The following HIVEP3 variants were observed in gnomAD, a reference collection of about 807,000 sequenced individuals.
HIVEP3 encodes the protein transcription factor HIVEP3.
In HIVEP3, 49 loss-of-function variants were observed where a neutral mutation model predicts 152.8. The observed-to-expected ratio is 0.32, with a 90% confidence interval of 0.26 to 0.41. The LOEUF (loss-of-function observed/expected upper bound fraction) is 0.41, where lower values mean the gene tolerates loss of function less well. Ranked by LOEUF, HIVEP3 falls within the 10% of genes least tolerant of loss-of-function variation. The pLI is 1.00. For synonymous variants in HIVEP3, 1,269 were observed against 1,289.0 expected, an observed-to-expected ratio of 0.98 and a Z score of 0.33; for missense variants, 2,790 against 3,103.3, an observed-to-expected ratio of 0.90 and a Z score of 2.40.
At chr1:41,592,099 G>A (rs1644596571) in intron 3 of HIVEP3, among the ~76,000 whole-genome samples, 1 of 152,134 alleles carries the variant, frequency 6.6e-6, no homozygotes, top group Non-Finnish European at 1.5e-5. Flanking sequence ...GAGCACCTGG[G>A]TCTCCTCACC....
intron 1 of HIVEP3, among the ~76,000 whole-genome samples, chr1:41,773,202 C>T (rs753179844): frequency 9.9e-5 from 15 of 152,214 alleles, no homozygotes; most frequent in Non-Finnish European, 1.9e-4. Context: ...GGACTATTTA[C>T]TGCATTCCAC....
At chr1:41,516,269 C>T (rs1022102673) in intron 7 of HIVEP3, among the ~76,000 whole-genome samples, 2 of 150,002 alleles carry the variant, frequency 1.3e-5, no homozygotes, top group Non-Finnish European at 3.0e-5. Flanking sequence ...AGAGGCCACA[C>T]GGTGGCGCTA....
chr1:41,547,437 G>A (rs1410779641), intron 5 of HIVEP3, among the ~76,000 whole-genome samples: 2 of 152,154 alleles, frequency 1.3e-5, no homozygotes, highest in African/African-American at 4.8e-5. Context: ...GCCTGGCCTG[G>A]GCTTTGAAGA....
chr1:41,509,822 CAAAAAAAAAAAAA>C lies in HIVEP3; in HGVS notation c.*616_*628del, dbSNP rs55654443. 3.7e-5 allele frequency: 3 copies of C among 82,042 alleles called. No homozygotes were observed. Among genetic ancestry groups the C allele is most frequent in the South Asian group, 5.1e-4 (1 of 1,976 alleles). The allele number at this position is 82,042 out of a possible 1,614,324, so 5.1% of individuals were successfully genotyped here. On this transcript the variant is annotated 3_prime_UTR_variant, in exon 9 of 9. Transcript: ENST00000372583. ...GGAAAAGTATCATTTTATTTTCTTGCAAAAAAAAAAAAAAAAAAAAAAAAGGAAAAGATTAGTT... is the reference window on the plus strand; with the variant it reads ...GGAAAAGTATCATTTTATTTTCTTGCAAAAAAAAAAAGGAAAAGATTAGTT...
In HIVEP3 at chr1:41,513,502, C is replaced by T. The variant is rs762552585; in HGVS notation, c.5719G>A (p.Ala1907Thr). ...CCTCGTGTAGCCTCCGTGCCAGAGGCGGGGGCATCTGGGGGCTGAGGGCCC... is the reference window on the plus strand; with the variant it reads ...CCTCGTGTAGCCTCCGTGCCAGAGGTGGGGGCATCTGGGGGCTGAGGGCCC... ...ILGPQPPDAPASGTEATRGSS... is the reference protein window; with the variant it reads ...ILGPQPPDAPTSGTEATRGSS... Residue 1907 changes from alanine to threonine, a missense_variant, in exon 8 of 9, where the codon GCC (alanine) becomes ACC (threonine). By Grantham distance (58) the Ala-to-Thr change is moderately conservative (BLOSUM62 0). This residue lies in a region of HIVEP3 where 816 missense variants were observed against 806.5 expected (regional missense o/e 1.01). Coordinates refer to ENST00000372583, the MANE Select transcript of HIVEP3 (RefSeq NM_024503.5). 13 of 1,605,352 alleles carry T rather than the reference C, an allele frequency of 8.1e-6. No individual in the cohort carries two copies. Among genetic ancestry groups the T allele is most frequent in the South Asian group, 2.2e-5 (2 of 90,528 alleles).
intron 1 of HIVEP3, among the ~76,000 whole-genome samples, chr1:41,943,097 C>T (rs1168709377): frequency 3.3e-5 from 5 of 151,716 alleles, no homozygotes; most frequent in Admixed American, 1.3e-4. Flanking sequence ...TTAGTAGAGA[C>T]GGGTTTCACC....
chr1:41,805,341 C>A (rs549417327), intron 1 of HIVEP3, among the ~76,000 whole-genome samples: 2 of 152,174 alleles, frequency 1.3e-5, no homozygotes, highest in South Asian at 2.1e-4. Context: ...CCTCTCAAGA[C>A]AAATTTAAAA....
At chr1:41,726,553 G>C (rs1646755218) in intron 1 of HIVEP3, among the ~76,000 whole-genome samples, 1 of 152,182 alleles carries the variant, frequency 6.6e-6, no homozygotes, top group African/African-American at 2.4e-5. Flanking sequence ...CACATAGATA[G>C]CAAGTGGCCT....
intron 2 of HIVEP3, among the ~76,000 whole-genome samples, chr1:41,647,826 C>G (rs1476820593): frequency 6.6e-6 from 1 of 152,284 alleles, no homozygotes; most frequent in Admixed American, 6.5e-5. Context: ...CCGCAGAACA[C>G]TCTTGGTCTC....
At chr1:41,571,994 C>T (rs1644257496) in intron 5 of HIVEP3, among the ~76,000 whole-genome samples, 1 of 152,120 alleles carries the variant, frequency 6.6e-6, no homozygotes, top group African/African-American at 2.4e-5. Context: ...CTACTTCATG[C>T]AGACACCAGG....
intron 3 of HIVEP3, among the ~76,000 whole-genome samples, chr1:41,595,761 C>G (rs191259023): frequency 6.6e-6 from 1 of 152,264 alleles, no homozygotes; most frequent in East Asian, 1.9e-4. Context: ...GGTAGAAGAA[C>G]ATGAAAAGAC....
intron 2 of HIVEP3, among the ~76,000 whole-genome samples, chr1:41,634,430 T>C (rs1350770907): frequency 6.6e-6 from 1 of 151,942 alleles, no homozygotes; most frequent in Non-Finnish European, 1.5e-5. Context: ...CAAAGAAAAC[T>C]CTATTAATTT....
intron 1 of HIVEP3, among the ~76,000 whole-genome samples, chr1:41,860,704 T>C (rs968676034): frequency 6.6e-6 from 1 of 152,240 alleles, no homozygotes; most frequent in East Asian, 1.9e-4. Context: ...TTCCCCCTAA[T>C]ATCTCCACCA....
rs1281519774 is a variant in HIVEP3, at chr1:41,833,858, C to A, written c.-801+84555G>T. Among the ~76,000 whole-genome samples, 8 of 152,160 alleles carry A rather than the reference C, an allele frequency of 5.3e-5. No individual in the cohort carries two copies. The East Asian group carries it at 1.3e-3, about 26-fold the overall frequency. Reference sequence around the variant, plus strand: ...GAAAATCCAAGATCTGATAAACACACAAAGGAAAATCCTTCAAAGAAGCTA... The same window carrying A: ...GAAAATCCAAGATCTGATAAACACAAAAAGGAAAATCCTTCAAAGAAGCTA... On this transcript the variant is annotated intron_variant, in intron 1 of 8. Transcript: ENST00000372583.
At chr1:41,627,009 T>C (rs926402778) in intron 3 of HIVEP3, among the ~76,000 whole-genome samples, 3 of 152,222 alleles carry the variant, frequency 2.0e-5, no homozygotes, top group Admixed American at 6.5e-5. Context: ...CACTGAGGTT[T>C]GGGAAGGACT....
chr1:41,605,400 CACACACAT>C (rs1558109284), intron 3 of HIVEP3, among the ~76,000 whole-genome samples: 46 of 152,002 alleles, frequency 3.0e-4, no homozygotes, highest in African/African-American at 9.4e-4. Flanking sequence ...CACACACACA[CACACACAT>C]ACATATGTTA....
At chr1:41,744,996 G>A (rs1292133458) in intron 1 of HIVEP3, among the ~76,000 whole-genome samples, 1 of 152,152 alleles carries the variant, frequency 6.6e-6, no homozygotes, top group Non-Finnish European at 1.5e-5. Flanking sequence ...GAAGAGCTTG[G>A]ATGTCAGCCA....
chr1:41,624,436 C>T (rs919514387), intron 3 of HIVEP3, among the ~76,000 whole-genome samples: 5 of 152,142 alleles, frequency 3.3e-5, no homozygotes, highest in African/African-American at 9.7e-5. Flanking sequence ...CAAGTGCTGC[C>T]GGTTTAATTT....
intron 1 of HIVEP3, among the ~76,000 whole-genome samples, chr1:42,013,527 C>T (rs933298913): frequency 3.3e-5 from 5 of 152,210 alleles, no homozygotes; most frequent in African/African-American, 9.7e-5. Context: ...TTTATCTTTA[C>T]ATTCCTATTA....
Sources: gnomAD v4.1 joint callset for allele counts (sites outside exome capture counted in the v4.1 genomes callset) on GRCh38, gnomAD v4.1.1 for gene constraint, gnomAD v4.1.1 regional missense constraint, MANE v1.5 for transcripts, NCBI Gene and HGNC (gene_info 2026-07-23, HGNC 2026-07-21) for gene names.